Variants in PRKDC observed in about 807,000 individuals in gnomAD.
The protein encoded by PRKDC is protein kinase, DNA-activated, catalytic subunit, also known as DNA-dependent protein kinase catalytic subunit.
Under a neutral mutation model 486.9 loss-of-function variants are expected in PRKDC, and 82 were observed. That is an observed-to-expected ratio of 0.17 (90% CI 0.14 to 0.20). PRKDC has a LOEUF of 0.20. Among genes scored for constraint, PRKDC ranks in the 10% least tolerant of loss-of-function variants. The pLI, the probability that PRKDC is intolerant of heterozygous loss-of-function variation, is 1.00. For synonymous variants in PRKDC, 1,895 were observed against 1,837.0 expected, an observed-to-expected ratio of 1.03 and a Z score of -0.81; for missense variants, 4,504 against 5,038.2, an observed-to-expected ratio of 0.89 and a Z score of 3.21.
chr8:47,938,287 C>T (rs1269751473), intron 11 of PRKDC, among the ~76,000 whole-genome samples: 3 of 151,746 alleles, frequency 2.0e-5, no homozygotes, highest in Non-Finnish European at 4.4e-5. Flanking sequence ...TGGAGCATGC[C>T]TGTAATCCCA....
chr8:47,887,839 T>A, intron 34 of PRKDC, 134 bp from the exon 35 acceptor site: 1 of 992,826 alleles, frequency 1.0e-6, no homozygotes, highest in African/African-American at 1.7e-5. Context: ...AGAAAAATTT[T>A]AATTCAACTT....
intron 11 of PRKDC, among the ~76,000 whole-genome samples, chr8:47,937,837 T>A (rs1355587902): frequency 6.6e-6 from 1 of 152,224 alleles, no homozygotes; most frequent in Non-Finnish European, 1.5e-5. Flanking sequence ...AGGGAAAGGC[T>A]GGGCACTGTG....
At chr8:47,798,424 A>G in intron 72 of PRKDC, 27 bp from the exon 73 acceptor site, 1 of 1,548,196 alleles carries the variant, frequency 6.5e-7, no homozygotes. Context: ...AGAAGAAAGC[A>G]ATGGTCAATG....
intron 63 of PRKDC, among the ~76,000 whole-genome samples, chr8:47,825,216 T>C (rs957233273): frequency 6.6e-6 from 1 of 151,976 alleles, no homozygotes; most frequent in African/African-American, 2.4e-5. Flanking sequence ...TATAACATGG[T>C]TAGAACAATG....
At chr8:47,921,586 C>A (rs933782879) in intron 21 of PRKDC, among the ~76,000 whole-genome samples, 2 of 152,042 alleles carry the variant, frequency 1.3e-5, no homozygotes, top group African/African-American at 4.8e-5. Context: ...CTAACAGGCA[C>A]GTGCATGCTG....
At chr8:47,939,001 T>C (rs1306718874) in intron 11 of PRKDC, among the ~76,000 whole-genome samples, 3 of 152,208 alleles carry the variant, frequency 2.0e-5, no homozygotes, top group Non-Finnish European at 4.4e-5. Flanking sequence ...AAACATGGTG[T>C]TTCTATTCTT....
rs200137917 is a variant in PRKDC, at chr8:47,863,440, C to A, written c.5709G>T (p.Ser1903=). The A allele has an allele frequency of 6.2e-7, 1 of 1,611,342 alleles. No individual in the cohort carries two copies. Among genetic ancestry groups the A allele is most frequent in the Admixed American group, 1.7e-5 (1 of 59,822 alleles). The change falls in exon 42 of 86, where the codon TCG becomes TCT. Residue 1903 remains serine, a synonymous_variant. Coordinates refer to ENST00000314191, the MANE Select transcript of PRKDC (RefSeq NM_006904.7). ...TAAGTTCATTTCCTTCTGTAATACACGAGCCATGGAAAACTTGATTAATTT... is the reference window on the plus strand; with the variant it reads ...TAAGTTCATTTCCTTCTGTAATACAAGAGCCATGGAAAACTTGATTAATTT... ...ESKINQVFHG[S]CITEGNELTK... is the part of the protein sequence containing the mutation.
intron 17 of PRKDC, 67 bp from the exon 18 acceptor site, chr8:47,930,079 C>A (rs2090225154): frequency 7.3e-7 from 1 of 1,366,294 alleles, no homozygotes; most frequent in Non-Finnish European, 1.0e-6. Context: ...TTGTAAGGGA[C>A]ATAATCGAAC....
chr8:47,799,079 T>C, intron 72 of PRKDC, 131 bp downstream of exon 72: 1 of 1,263,742 alleles, frequency 7.9e-7, no homozygotes, highest in Non-Finnish European at 1.1e-6. Flanking sequence ...CATTGTCTCT[T>C]AAAAAGACAG....
intron 25 of PRKDC, among the ~76,000 whole-genome samples, chr8:47,911,407 T>C (rs555439010): frequency 2.0e-4 from 30 of 152,354 alleles, no homozygotes; most frequent in Middle Eastern, 3.4e-3. Context: ...AAACTACTCC[T>C]AGTTTATCAG....
At position 47,852,744 on chromosome 8, in the gene PRKDC, A is replaced by G; in HGVS notation, c.6934T>C (p.Tyr2312His). Residue 2312 changes from tyrosine to histidine, a missense_variant, in exon 52 of 86, where the codon TAT becomes CAT. Tyr to His is a moderately conservative substitution (Grantham distance 83). This residue lies in a region of PRKDC where 1,592 missense variants were observed against 1,724.6 expected (regional missense o/e 0.92). Transcript: ENST00000314191. ...ALVNNMSFVR[Y>H]KEVYAAAAEV... ...GCTGCAGCGGCATACACTTCTTTATATCTTACAAAGGACATATTATTCACC... is the reference window on the plus strand; with the variant it reads ...GCTGCAGCGGCATACACTTCTTTATGTCTTACAAAGGACATATTATTCACC... 1.3e-6 allele frequency: 2 copies of G among 1,578,576 alleles called. No individual in the cohort carries two copies. Among genetic ancestry groups the G allele is most frequent in the Non-Finnish European group, 1.7e-6 (2 of 1,160,568 alleles).
intron 54 of PRKDC, among the ~76,000 whole-genome samples, chr8:47,842,251 G>A (rs1278546522): frequency 6.6e-6 from 1 of 152,058 alleles, no homozygotes; most frequent in Admixed American, 6.5e-5. Flanking sequence ...TTGGTGAGGG[G>A]GTCATCTCCC....
intron 10 of PRKDC, 55 bp from the exon 11 acceptor site, chr8:47,939,752 T>A: frequency 7.2e-7 from 1 of 1,385,942 alleles, no homozygotes; most frequent in Non-Finnish European, 9.7e-7. Flanking sequence ...ATGGAATCTA[T>A]ACAAACATGG....
intron 76 of PRKDC, among the ~76,000 whole-genome samples, chr8:47,788,420 A>G (rs2086829034): frequency 6.6e-6 from 1 of 152,174 alleles, no homozygotes; most frequent in South Asian, 2.1e-4. Context: ...TCTCACACTT[A>G]CCACACTTGT....
intron 25 of PRKDC, among the ~76,000 whole-genome samples, chr8:47,908,451 T>C (rs1485913066): frequency 2.6e-5 from 4 of 152,204 alleles, no homozygotes; most frequent in Non-Finnish European, 5.9e-5. Context: ...AAACTATCAA[T>C]ACATTAACAC....
rs138479837 is a variant in PRKDC, at chr8:47,856,527, G to C, written c.6609+629C>G. Reference sequence around the variant, plus strand: ...TTACAGGTGTGAGCCATCATGCCTAGCCCCGCATGTGTATATTATATTTAA... The same window carrying C: ...TTACAGGTGTGAGCCATCATGCCTACCCCCGCATGTGTATATTATATTTAA... On this transcript the variant is annotated intron_variant, in intron 49 of 85. Coordinates refer to ENST00000314191, the MANE Select transcript of PRKDC (RefSeq NM_006904.7). 3.8e-3 allele frequency among the ~76,000 whole-genome samples: 584 copies of C among 152,202 alleles called. 4 individuals are homozygous for C. The highest frequency in any genetic ancestry group is 0.025 in the South Asian group (120 of 4,828).
chr8:47,900,540 G>A, intron 27 of PRKDC, 73 bp from the exon 28 acceptor site: 10 of 1,348,914 alleles, frequency 7.4e-6, no homozygotes, highest in Non-Finnish European at 1.0e-5. Flanking sequence ...AGAAGGAATG[G>A]AATTAAAGAA....
chr8:47,780,441 G>A (rs186522015), intron 80 of PRKDC, among the ~76,000 whole-genome samples: 2 of 152,280 alleles, frequency 1.3e-5, no homozygotes, highest in Non-Finnish European at 1.5e-5. Flanking sequence ...TGTGATACAC[G>A]TATGTTTAAG....
rs1395144570 is a variant in PRKDC, at chr8:47,776,931, T to A, written c.12095A>T (p.Asn4032Ile). ...KKGGSWIQEI[N>I]VAEKNWYPRQ... is the part of the protein sequence containing the mutation. The stretch of plus-strand genomic sequence containing the variant: ...GGGGTACCAATTTTTTTCAGCAACA[T>A]TTATTTCTTGAATCCATGACCCTCC... Residue 4032 changes from asparagine to isoleucine, a missense_variant, in exon 85 of 86, where the codon AAT (asparagine) becomes ATT (isoleucine). Transcript: ENST00000314191. 1.2e-6 allele frequency: 2 copies of A among 1,613,724 alleles called. No homozygotes were observed. Among genetic ancestry groups the A allele is most frequent in the Non-Finnish European group, 1.7e-6 (2 of 1,179,834 alleles).
Sources: allele counts gnomAD v4.1 joint callset (sites outside exome capture counted in the v4.1 genomes callset), GRCh38; gene constraint gnomAD v4.1.1; regional missense constraint gnomAD v4.1.1; transcripts MANE v1.5; gene names NCBI Gene and HGNC (gene_info 2026-07-23, HGNC 2026-07-21).